SUMF1: variants seen among roughly 807,000 people sequenced by gnomAD.
The protein encoded by SUMF1 is formylglycine-generating enzyme.
Under a neutral mutation model 47.6 loss-of-function variants are expected in SUMF1, and 48 were observed. That is an observed-to-expected ratio of 1.01 (90% CI 0.80 to 1.28). The LOEUF is 1.28. SUMF1 is among the 50% of genes most tolerant of loss of function. The probability of loss-of-function intolerance (pLI) is 0.00; values close to 1 mark genes in which losing one functional copy is unlikely to be tolerated. For synonymous variants in SUMF1, 230 were observed against 192.1 expected (o/e 1.20, Z -1.63); for missense variants, 571 against 485.4 (o/e 1.18, Z -1.66).
At chr3:4,045,221 C>A (rs77080229) in intron 9 of SUMF1, among the ~76,000 whole-genome samples, 335 of 152,220 alleles carry the variant, frequency 2.2e-3, no homozygotes, top group African/African-American at 7.3e-3. Flanking sequence ...AAGAGCAGAA[C>A]TGAGGCTTCC....
At chr3:4,269,097 C>G (rs541707287) in intron 8 of SUMF1, among the ~76,000 whole-genome samples, 1 of 152,178 alleles carries the variant, frequency 6.6e-6, no homozygotes, top group African/African-American at 2.4e-5. Context: ...ATGATCCTTG[C>G]CTCATACTGC....
chr3:4,376,762 C>T (rs1451397468), intron 7 of SUMF1, among the ~76,000 whole-genome samples: 1 of 152,204 alleles, frequency 6.6e-6, no homozygotes, highest in African/African-American at 2.4e-5. Flanking sequence ...CTCATCTACA[C>T]TGGCAAGCCT....
At chr3:4,177,492 G>C (rs1018419578) in intron 8 of SUMF1, among the ~76,000 whole-genome samples, 4 of 152,260 alleles carry the variant, frequency 2.6e-5, no homozygotes, top group Middle Eastern at 3.4e-3. Context: ...TGAAACCAAT[G>C]AGAACAAAGA....
intron 3 of SUMF1, among the ~76,000 whole-genome samples, chr3:4,431,661 G>C (rs1206366234): frequency 2.0e-5 from 3 of 152,142 alleles, no homozygotes; most frequent in Non-Finnish European, 4.4e-5. Context: ...TAACATCATG[G>C]CCCTCTGCCC....
At chr3:4,213,811 G>C (rs1285334244) in intron 8 of SUMF1, among the ~76,000 whole-genome samples, 1 of 152,156 alleles carries the variant, frequency 6.6e-6, no homozygotes, top group Non-Finnish European at 1.5e-5. Flanking sequence ...AAGAGACAAA[G>C]AAGGCCATTA....
chr3:4,452,822 T>C (rs889200538), intron 2 of SUMF1, 54 bp downstream of exon 2: 3 of 1,606,024 alleles, frequency 1.9e-6, no homozygotes, highest in Non-Finnish European at 2.6e-6. Context: ...ATTAAAGCAT[T>C]CTTAAAAGTT....
At chr3:4,120,992 A>T (rs997653353) in intron 8 of SUMF1, among the ~76,000 whole-genome samples, 1 of 152,190 alleles carries the variant, frequency 6.6e-6, no homozygotes, top group Non-Finnish European at 1.5e-5. Context: ...ATAATAGCTG[A>T]TAACAGATAG....
intron 8 of SUMF1, among the ~76,000 whole-genome samples, chr3:4,133,684 C>A (rs989505258): frequency 2.0e-5 from 3 of 152,130 alleles, no homozygotes; most frequent in African/African-American, 7.2e-5. Context: ...TGCCCTTGAA[C>A]ATCGGACTCC....
At chr3:4,248,603 T>A (rs1456312963) in intron 8 of SUMF1, among the ~76,000 whole-genome samples, 1 of 152,140 alleles carries the variant, frequency 6.6e-6, no homozygotes, top group Non-Finnish European at 1.5e-5. Context: ...GAGATTTCAT[T>A]TCTGGAATGG....
intron 3 of SUMF1, among the ~76,000 whole-genome samples, chr3:4,433,060 A>G (rs1702287306): frequency 6.6e-6 from 1 of 152,134 alleles, no homozygotes. Flanking sequence ...TGAAAGTTTC[A>G]TCCATTCCAA....
chr3:4,125,881 TG>T (rs927508293), intron 8 of SUMF1, among the ~76,000 whole-genome samples: 3 of 152,086 alleles, frequency 2.0e-5, no homozygotes, highest in African/African-American at 7.2e-5. Flanking sequence ...CTTGCTTTGT[TG>T]GCCAGGCTGG....
chr3:4,261,624 C>CA (rs1697086776), intron 8 of SUMF1, among the ~76,000 whole-genome samples: 2 of 152,178 alleles, frequency 1.3e-5, no homozygotes, highest in East Asian at 3.9e-4. Context: ...CTGTGATATG[C>CA]CTGCCGAGAT....
intron 8 of SUMF1, among the ~76,000 whole-genome samples, chr3:4,083,541 T>C (rs527436066): frequency 6.6e-6 from 1 of 152,268 alleles, no homozygotes; most frequent in South Asian, 2.1e-4. Flanking sequence ...CTTGTTACTT[T>C]ATCTAATTCC....
intron 8 of SUMF1, among the ~76,000 whole-genome samples, chr3:4,097,766 GC>G (rs1034883051): frequency 1.3e-5 from 2 of 152,012 alleles, no homozygotes; most frequent in African/African-American, 4.8e-5. Flanking sequence ...AAGAAGCATA[GC>G]CCTAGATTAA....
At chr3:4,367,319 C>CA (rs1193330610) in intron 8 of SUMF1, among the ~76,000 whole-genome samples, 1 of 152,194 alleles carries the variant, frequency 6.6e-6, no homozygotes, top group Non-Finnish European at 1.5e-5. Flanking sequence ...GCCCTGCCCC[C>CA]AGAGGTGGAG....
intron 8 of SUMF1, chr3:4,313,557 T>G (rs764530712): frequency 1.9e-6 from 3 of 1,613,914 alleles, no homozygotes; most frequent in Non-Finnish European, 2.5e-6. Flanking sequence ...TAACAGTCAG[T>G]GAAGACAAAG....
chr3:4,270,698 G>A (rs1575039802), intron 8 of SUMF1, among the ~76,000 whole-genome samples: 1 of 152,222 alleles, frequency 6.6e-6, no homozygotes, highest in East Asian at 1.9e-4. Flanking sequence ...TGCTCCCTAA[G>A]TATAACTGGT....
At chr3:4,241,956 C>T (rs530939094) in intron 8 of SUMF1, among the ~76,000 whole-genome samples, 1 of 152,280 alleles carries the variant, frequency 6.6e-6, no homozygotes, top group South Asian at 2.1e-4. Flanking sequence ...TCTTACTATG[C>T]AAATGGGCTT....
At chr3:4,081,841 C>G (rs935503067) in intron 8 of SUMF1, among the ~76,000 whole-genome samples, 2 of 152,122 alleles carry the variant, frequency 1.3e-5, no homozygotes, top group African/African-American at 4.8e-5. Context: ...ATCAGGAACT[C>G]TGACTGATAA....
Sources: gnomAD v4.1 joint callset for allele counts (sites outside exome capture counted in the v4.1 genomes callset) on GRCh38, gnomAD v4.1.1 for gene constraint, MANE v1.5 for transcripts, NCBI Gene and HGNC (gene_info 2026-07-23, HGNC 2026-07-21) for gene names.